The following FAAH2 variants were observed in gnomAD, a reference collection of about 807,000 sequenced individuals.
The protein encoded by FAAH2 is fatty acid amide hydrolase 2, also known as fatty-acid amide hydrolase 2.
In FAAH2, 60 loss-of-function variants were observed where a neutral mutation model predicts 36.9. The observed-to-expected ratio is 1.63, with a 90% CI of 1.32 to 2.02. FAAH2 has a LOEUF of 2.02. Ranked by LOEUF, FAAH2 falls within the 30% of genes most tolerant of loss-of-function variation. The probability of loss-of-function intolerance (pLI) is 0.00; values close to 1 mark genes in which losing one functional copy is unlikely to be tolerated. For synonymous variants in FAAH2, 214 were observed against 143.8 expected, an observed-to-expected ratio of 1.49 and a Z score of -3.49; for missense variants, 689 against 397.5, an observed-to-expected ratio of 1.73 and a Z score of -6.23.
chrX:57,127,033 T>C, the FAAH2 span: 1 of 111,155 alleles, frequency 9.0e-6, no homozygotes, highest in Non-Finnish European at 1.9e-5. Flanking sequence ...ATCCCTGGAG[T>C]CCTACTTCTG....
At chrX:57,197,428 G>A in the FAAH2 span, among the ~76,000 whole-genome samples, 2 of 111,087 alleles carry the variant, frequency 1.8e-5, no homozygotes, top group African/African-American at 6.6e-5. Context: ...ATGACCTTTT[G>A]GGGATGTTAA....
the FAAH2 span, among the ~76,000 whole-genome samples, chrX:57,132,056 C>G: frequency 2.7e-5 from 3 of 112,201 alleles, no homozygotes; most frequent in South Asian, 1.1e-3. Flanking sequence ...GCTTGGGGAA[C>G]AGGAAATGGG....
At chrX:57,341,248 C>G in intron 4 of FAAH2, 23 bp from the exon 5 acceptor site, 1 of 1,183,931 alleles carries the variant, frequency 8.4e-7, no homozygotes, top group Non-Finnish European at 1.1e-6. Flanking sequence ...TATTTATTTG[C>G]AAGTATTTTG....
the FAAH2 span, among the ~76,000 whole-genome samples, chrX:57,272,221 G>T: frequency 9.2e-6 from 1 of 108,417 alleles, no homozygotes; most frequent in African/African-American, 3.4e-5. Flanking sequence ...AGTATAAAAA[G>T]AAAGAACAAA....
intron 10 of FAAH2, among the ~76,000 whole-genome samples, chrX:57,481,536 C>A (rs746451645): frequency 8.9e-6 from 1 of 112,143 alleles, no homozygotes; most frequent in Admixed American, 9.4e-5. Context: ...GACGTCCAAT[C>A]CAGACCCTGT....
At chrX:57,462,804 G>A (rs1016862852) in intron 10 of FAAH2, among the ~76,000 whole-genome samples, 8 of 112,246 alleles carry the variant, frequency 7.1e-5, no homozygotes, top group African/African-American at 9.7e-5. Context: ...GGAAGTTCTG[G>A]CCAGGCCAAT....
chrX:57,164,129 T>A, the FAAH2 span, among the ~76,000 whole-genome samples: 1 of 112,056 alleles, frequency 8.9e-6, no homozygotes, highest in Non-Finnish European at 1.9e-5. Context: ...CTTTAGGATT[T>A]GGAGAAGGCA....
the FAAH2 span, among the ~76,000 whole-genome samples, chrX:57,235,881 AAT>A: frequency 1.3e-5 from 1 of 74,305 alleles, no homozygotes; most frequent in Non-Finnish European, 2.1e-5. Flanking sequence ...GCTGCCTGAA[AAT>A]ATACAAACAT....
At chrX:57,340,394 T>G (rs1162027695) in intron 4 of FAAH2, among the ~76,000 whole-genome samples, 1 of 111,807 alleles carries the variant, frequency 8.9e-6, no homozygotes, top group Admixed American at 9.5e-5. Context: ...ATACTTTGCA[T>G]TTTTTGATTC....
intron 8 of FAAH2, among the ~76,000 whole-genome samples, chrX:57,444,270 A>G (rs866240452): frequency 2.0e-4 from 22 of 111,936 alleles, no homozygotes; most frequent in African/African-American, 6.8e-4. Context: ...GTTTTAGCTT[A>G]CCAGCCGTTT....
intron 9 of FAAH2, 58 bp from the exon 10 acceptor site, chrX:57,448,466 C>A: frequency 1.6e-5 from 16 of 1,018,871 alleles, no homozygotes; most frequent in Non-Finnish European, 2.1e-5. Flanking sequence ...AGATAAAGAA[C>A]ACTAGGAATT....
At chrX:57,427,187 GA>G (rs776717262) in intron 7 of FAAH2, among the ~76,000 whole-genome samples, 2 of 110,108 alleles carry the variant, frequency 1.8e-5, no homozygotes, top group African/African-American at 6.6e-5. Flanking sequence ...GATTGAAACG[GA>G]AAAAAATAGA....
chrX:57,483,126 C>T (rs370552921), intron 10 of FAAH2, among the ~76,000 whole-genome samples: 1 of 111,279 alleles, frequency 9.0e-6, no homozygotes, highest in East Asian at 2.8e-4. Context: ...GTTTTTCTTC[C>T]TCTCTCTTAG....
intron 9 of FAAH2, among the ~76,000 whole-genome samples, 184 bp from the exon 10 acceptor site, chrX:57,448,340 T>C (rs2056721812): frequency 8.9e-6 from 1 of 112,575 alleles, no homozygotes; most frequent in South Asian, 3.7e-4. Context: ...AGAAATGTTA[T>C]ATATAGCATT....
the FAAH2 span, among the ~76,000 whole-genome samples, chrX:57,166,420 C>G: frequency 4.5e-5 from 5 of 111,825 alleles, no homozygotes; most frequent in Non-Finnish European, 7.5e-5. Context: ...CACACCCACC[C>G]TAGATGCTGC....
At chrX:57,434,623 C>T (rs2056372189) in intron 8 of FAAH2, among the ~76,000 whole-genome samples, 1 of 109,742 alleles carries the variant, frequency 9.1e-6, no homozygotes, top group Admixed American at 9.8e-5. Flanking sequence ...ATGAACAAAG[C>T]CCTTAAGATG....
the FAAH2 span, among the ~76,000 whole-genome samples, chrX:57,202,200 T>C: frequency 8.9e-6 from 1 of 112,244 alleles, no homozygotes; most frequent in East Asian, 2.8e-4. Flanking sequence ...TACTTGTAAA[T>C]GTTCATTAGT....
intron 10 of FAAH2, among the ~76,000 whole-genome samples, chrX:57,470,845 A>T (rs1274374197): frequency 8.9e-6 from 1 of 111,830 alleles, no homozygotes; most frequent in Non-Finnish European, 1.9e-5. Flanking sequence ...AAAAATCCTC[A>T]ATAAAATACT....
intron 5 of FAAH2, among the ~76,000 whole-genome samples, chrX:57,347,639 CTGT>C (rs1483403490): frequency 9.1e-4 from 40 of 44,040 alleles, no homozygotes; most frequent in African/African-American, 4.7e-3. Context: ...TTTTTTTTTG[CTGT>C]TGTTGTTGTT....
Sources: gnomAD v4.1 joint callset for allele counts (sites outside exome capture counted in the v4.1 genomes callset) on GRCh38, gnomAD v4.1.1 for gene constraint, MANE v1.5 for transcripts, NCBI Gene and HGNC (gene_info 2026-07-23, HGNC 2026-07-21) for gene names.